Variants in C12orf42 observed in about 807,000 individuals in gnomAD.
C12orf42 encodes uncharacterized protein C12orf42.
Under a neutral mutation model 21.6 loss-of-function variants are expected in C12orf42, and 25 were observed. The ratio of observed to expected loss-of-function variants is 1.16; its 90% CI spans 0.84 to 1.62. The LOEUF (loss-of-function observed/expected upper bound fraction) is 1.62. Ranked by LOEUF, C12orf42 falls within the 40% of genes most tolerant of loss-of-function variation. The pLI is 0.00. For missense variants in C12orf42, 483 were observed against 459.3 expected (o/e 1.05, Z -0.47); for synonymous variants, 174 against 175.0 (o/e 0.99, Z 0.05).
At chr12:103,556,323 T>C in the C12orf42 span, among the ~76,000 whole-genome samples, 6 of 152,334 alleles carry the variant, frequency 3.9e-5, 1 homozygote, top group South Asian at 8.3e-4. Context: ...TTGTTATTTC[T>C]GCCAAGCCAT....
At chr12:103,142,163 C>T in the C12orf42 span, among the ~76,000 whole-genome samples, 2 of 152,148 alleles carry the variant, frequency 1.3e-5, no homozygotes, top group African/African-American at 2.4e-5. Flanking sequence ...ACTAGTTTTG[C>T]TGTTGTTATT....
chr12:103,057,526 T>G, the C12orf42 span, among the ~76,000 whole-genome samples: 1 of 152,208 alleles, frequency 6.6e-6, no homozygotes, highest in African/African-American at 2.4e-5. Context: ...GCAAAGGACA[T>G]GATCTCATTC....
intron 4 of C12orf42, among the ~76,000 whole-genome samples, chr12:103,350,658 T>C (rs923311761): frequency 1.3e-5 from 2 of 152,156 alleles, no homozygotes; most frequent in South Asian, 2.1e-4. Context: ...ATTTCCCCCA[T>C]GGATAAGAGG....
chr12:103,165,126 C>T, the C12orf42 span, among the ~76,000 whole-genome samples: 54 of 152,338 alleles, frequency 3.5e-4, no homozygotes, highest in African/African-American at 1.2e-3. Flanking sequence ...GCTCACTTAA[C>T]TTTGGGATTT....
chr12:103,211,411 T>C, the C12orf42 span, among the ~76,000 whole-genome samples: 1 of 152,180 alleles, frequency 6.6e-6, no homozygotes, highest in Non-Finnish European at 1.5e-5. Context: ...AGGAATCCCA[T>C]TCAGCAGCCT....
the C12orf42 span, among the ~76,000 whole-genome samples, chr12:103,532,300 A>G: frequency 6.6e-6 from 1 of 152,260 alleles, no homozygotes; most frequent in Non-Finnish European, 1.5e-5. Flanking sequence ...TATGTATTAA[A>G]GATGGGAAAA....
chr12:103,150,742 A>T, the C12orf42 span, among the ~76,000 whole-genome samples: 1 of 152,178 alleles, frequency 6.6e-6, no homozygotes, highest in Non-Finnish European at 1.5e-5. Context: ...CAGAGCCTCT[A>T]TTTCTAATAT....
At chr12:103,373,124 C>T (rs1315167765) in intron 3 of C12orf42, among the ~76,000 whole-genome samples, 1 of 152,096 alleles carries the variant, frequency 6.6e-6, no homozygotes, top group Non-Finnish European at 1.5e-5. Context: ...AACCCATGCT[C>T]TATATATGAA....
At chr12:103,310,635 C>T (rs1442347834) in intron 4 of C12orf42, among the ~76,000 whole-genome samples, 1 of 152,216 alleles carries the variant, frequency 6.6e-6, no homozygotes, top group African/African-American at 2.4e-5. Context: ...CACCCCAGAA[C>T]ATGATTTTAT....
chr12:103,308,613 A>G (rs1207822914), intron 4 of C12orf42, among the ~76,000 whole-genome samples: 1 of 152,168 alleles, frequency 6.6e-6, no homozygotes, highest in Non-Finnish European at 1.5e-5. Context: ...TGATTGGGTG[A>G]GGTGTTAAGC....
At chr12:103,188,899 C>T in the C12orf42 span, among the ~76,000 whole-genome samples, 1 of 152,150 alleles carries the variant, frequency 6.6e-6, no homozygotes, top group African/African-American at 2.4e-5. Context: ...TTTATAGCAA[C>T]AAAATATGGC....
intron 4 of C12orf42, among the ~76,000 whole-genome samples, chr12:103,296,477 A>AACAGT (rs1302189950): frequency 6.6e-6 from 1 of 152,224 alleles, no homozygotes; most frequent in Non-Finnish European, 1.5e-5. Context: ...CAGTCCCACC[A>AACAGT]ACAGTGTAAA....
chr12:103,049,526 C>T, the C12orf42 span, among the ~76,000 whole-genome samples: 8 of 152,192 alleles, frequency 5.3e-5, no homozygotes, highest in Non-Finnish European at 1.0e-4. Flanking sequence ...CTCATCACAG[C>T]AATCAGCGTG....
intron 10 of C12orf42, among the ~76,000 whole-genome samples, chr12:103,254,865 C>T (rs11609956): frequency 0.087 from 13,258 of 152,016 alleles, 594 homozygotes; most frequent in East Asian, 0.15. Flanking sequence ...CCATGGCACA[C>T]GTTTACCTCT....
chr12:103,391,296 A>G lies in C12orf42; in HGVS notation c.147+10311T>C, dbSNP rs948592550. Among the ~76,000 whole-genome samples, 44 of 152,298 alleles carry G rather than the reference A, an allele frequency of 2.9e-4. 1 individual carries two copies. Among genetic ancestry groups the G allele is most frequent in the Middle Eastern group, 6.8e-3 (2 of 294 alleles). On this transcript the variant is annotated intron_variant, in intron 3 of 5. Coordinates refer to ENST00000548883, the MANE Select transcript of C12orf42 (RefSeq NM_198521.5). ...CTGTTTTCGATTATTTAGGAATAAA[A>G]TTGCTGAGTCATATGGTAATTCTAT...
intron 2 of C12orf42, among the ~76,000 whole-genome samples, chr12:103,461,097 A>G (rs1299803540): frequency 6.6e-6 from 1 of 152,216 alleles, no homozygotes; most frequent in Non-Finnish European, 1.5e-5. Flanking sequence ...AAAAAGCAAT[A>G]CAATAATTTA....
intron 10 of C12orf42, among the ~76,000 whole-genome samples, chr12:103,245,436 C>A (rs574599097): frequency 6.6e-6 from 1 of 152,034 alleles, no homozygotes; most frequent in Non-Finnish European, 1.5e-5. Flanking sequence ...GGAGTAATCA[C>A]AGGCAAGTCA....
chr12:103,322,149 AC>A (rs1566078123), intron 4 of C12orf42, among the ~76,000 whole-genome samples: 135 of 148,376 alleles, frequency 9.1e-4, no homozygotes, highest in African/African-American at 3.3e-3. Context: ...ACACACACAC[AC>A]GCACACGCAC....
chr12:103,443,291 C>A (rs1270580690), intron 2 of C12orf42, among the ~76,000 whole-genome samples: 1 of 152,078 alleles, frequency 6.6e-6, no homozygotes, highest in Non-Finnish European at 1.5e-5. Context: ...AGCCCTCAAC[C>A]AGTGGCCCAG....
Sources: gnomAD v4.1 joint callset for allele counts (sites outside exome capture counted in the v4.1 genomes callset) on GRCh38, gnomAD v4.1.1 for gene constraint, MANE v1.5 for transcripts, NCBI Gene and HGNC (gene_info 2026-07-23, HGNC 2026-07-21) for gene names.